Variants in PTPRQ observed in about 807,000 individuals in gnomAD.
PTPRQ encodes the protein protein tyrosine phosphatase receptor type Q.
In PTPRQ, 199 loss-of-function variants were observed where a neutral mutation model predicts 246.0. That is an observed-to-expected ratio of 0.81 (90% CI 0.72 to 0.91). PTPRQ has a LOEUF of 0.91. Ranked by LOEUF, PTPRQ falls within the 40% of genes least tolerant of loss-of-function variation. The pLI, the probability that PTPRQ is intolerant of heterozygous loss-of-function variation, is 0.00. For missense variants in PTPRQ, 2,624 were observed against 2,528.4 expected, an observed-to-expected ratio of 1.04 and a Z score of -0.81; for synonymous variants, 869 against 853.2, an observed-to-expected ratio of 1.02 and a Z score of -0.32.
chr12:80,598,967 G>GT (rs1316850457), intron 26 of PTPRQ, among the ~76,000 whole-genome samples: 2 of 152,068 alleles, frequency 1.3e-5, no homozygotes, highest in African/African-American at 4.8e-5. Flanking sequence ...ATAAGTCTTT[G>GT]AATGTGCTTA....
intron 26 of PTPRQ, among the ~76,000 whole-genome samples, chr12:80,599,171 C>T (rs1898062007): frequency 6.6e-6 from 1 of 151,818 alleles, no homozygotes; most frequent in Admixed American, 6.6e-5. Flanking sequence ...GACCCACATT[C>T]CTGTGCAAGG....
intron 43 of PTPRQ, among the ~76,000 whole-genome samples, chr12:80,676,415 G>T (rs1233866876): frequency 6.6e-6 from 1 of 152,100 alleles, no homozygotes; most frequent in Non-Finnish European, 1.5e-5. Flanking sequence ...GGCCAAGGTG[G>T]GCGGATCACC....
At chr12:80,561,317 A>G (rs1896818418) in intron 25 of PTPRQ, 1 of 152,278 alleles carries the variant, frequency 6.6e-6, no homozygotes. Flanking sequence ...AATGGTCTCC[A>G]CTGCTGGTAA....
At chr12:80,678,531 T>C in intron 43 of PTPRQ, 71 bp from the exon 44 acceptor site, 2 of 1,439,806 alleles carry the variant, frequency 1.4e-6, no homozygotes, top group Non-Finnish European at 1.8e-6. Context: ...CTTTTAGCTT[T>C]AACAATATAA....
In PTPRQ at chr12:80,670,478, G is replaced by A; in HGVS notation, c.6588G>A (p.Met2196Ile). Residue 2196 changes from methionine (M) to isoleucine (I), a missense_variant, in exon 42 of 45, where the codon ATG becomes ATA. Met to Ile is a conservative substitution (Grantham distance 10). Coordinates refer to ENST00000644991, the MANE Select transcript of PTPRQ (RefSeq NM_001145026.2). ...RASRAHDTTP[M>I]IVHCSAGVGR... ...GCAGGGCACATGACACCACACCTAT[G>A]ATTGTTCACTGCAGGTGAGAAAGTG... The A allele has an allele frequency of 6.5e-7, 1 of 1,548,850 alleles. No individual in the cohort carries two copies. Among genetic ancestry groups the A allele is most frequent in the South Asian group, 1.2e-5 (1 of 83,394 alleles).
At chr12:80,452,808 T>A (rs1384886356) in intron 3 of PTPRQ, among the ~76,000 whole-genome samples, 1 of 152,152 alleles carries the variant, frequency 6.6e-6, no homozygotes, top group Non-Finnish European at 1.5e-5. Context: ...ATTTTTTCCT[T>A]CATTTCAACT....
chr12:80,447,719 A>G (rs1892597337), intron 3 of PTPRQ, among the ~76,000 whole-genome samples: 1 of 150,252 alleles, frequency 6.7e-6, no homozygotes. Context: ...TAGGTATGTG[A>G]CTTTATTTCT....
rs147807328 is a variant in PTPRQ, at chr12:80,553,897, A to G, written c.4285+4163A>G. ...AAATGCACTTATTCATTTTACTATC[A>G]AAACTTAGCATAACGTGGATGGAAC... On this transcript the variant is annotated intron_variant, in intron 25 of 44. Coordinates refer to ENST00000644991, the MANE Select transcript of PTPRQ (RefSeq NM_001145026.2). 5.8e-4 allele frequency among the ~76,000 whole-genome samples: 89 copies of G among 152,332 alleles called. 1 individual carries two copies. The East Asian group carries it at 0.013, about 23-fold the overall frequency.
intron 17 of PTPRQ, among the ~76,000 whole-genome samples, chr12:80,530,129 A>G (rs913685045): frequency 6.6e-6 from 1 of 151,826 alleles, no homozygotes; most frequent in African/African-American, 2.4e-5. Flanking sequence ...CTACTCTCAA[A>G]CTTTACAAAC....
rs780815237 is a variant in PTPRQ at position 80,506,196 on chromosome 12, A to G, written c.2445A>G (p.Gln815=). The G allele has an allele frequency of 1.7e-4, 257 of 1,484,026 alleles. No homozygotes were observed. In the Middle Eastern group the frequency reaches 4.2e-3, roughly 25 times the overall value. 91.9% of individuals were successfully genotyped at this position (1,484,026 alleles called of 1,614,324 possible). A position where few individuals can be genotyped will look rare whatever the true frequency, so the allele number is the denominator to read the frequency against. ...ERTINTTSLT[Q]NIKVLKKYTQ... Reference sequence around the variant, plus strand: ...CTATAAATACAACCTCTTTAACCCAAAACATTAAAGGTAAAAGAACAAATC... The same window carrying G: ...CTATAAATACAACCTCTTTAACCCAGAACATTAAAGGTAAAAGAACAAATC... The change falls in exon 15 of 45, where the codon CAA becomes CAG. Residue 815 remains glutamine (Q), a synonymous_variant. Coordinates refer to ENST00000644991, the MANE Select transcript of PTPRQ (RefSeq NM_001145026.2).
chr12:80,535,402 C>T (rs1278619759), intron 19 of PTPRQ, among the ~76,000 whole-genome samples: 1 of 151,902 alleles, frequency 6.6e-6, no homozygotes, highest in Non-Finnish European at 1.5e-5. Flanking sequence ...TATTTATTAG[C>T]TAAATTTTTT....
rs1452356148 is a variant in PTPRQ at position 80,552,653 on chromosome 12, A to G, written c.4285+2919A>G. On this transcript the variant is annotated intron_variant, in intron 25 of 44. Coordinates refer to ENST00000644991, the MANE Select transcript of PTPRQ (RefSeq NM_001145026.2). ...TTTGTAAAAAAAAAAAATTATATATATATATATATATATATATATATATAT... is the reference window on the plus strand; with the variant it reads ...TTTGTAAAAAAAAAAAATTATATATGTATATATATATATATATATATATAT... Among the ~76,000 whole-genome samples, 136 of 23,988 alleles carry G rather than the reference A, an allele frequency of 5.7e-3. 6 individuals are homozygous for G. Among genetic ancestry groups the G allele is most frequent in the East Asian group, 0.017 (22 of 1,312 alleles). The allele number at this position is 23,988 out of a possible 152,430, so 15.7% of individuals were successfully genotyped here.
chr12:80,500,306 G>C (rs1443102445), intron 14 of PTPRQ, among the ~76,000 whole-genome samples: 1 of 151,742 alleles, frequency 6.6e-6, no homozygotes, highest in African/African-American at 2.4e-5. Flanking sequence ...ATAATTCGGG[G>C]ACACTCTGCT....
At chr12:80,460,407 T>C (rs1333584972) in intron 5 of PTPRQ, among the ~76,000 whole-genome samples, 13 of 152,236 alleles carry the variant, frequency 8.5e-5, no homozygotes, top group Non-Finnish European at 2.9e-5. Flanking sequence ...AGTTTTACCT[T>C]TATTTTAAGC....
intron 27 of PTPRQ, among the ~76,000 whole-genome samples, chr12:80,608,565 T>C (rs915950964): frequency 6.7e-6 from 1 of 148,836 alleles, no homozygotes; most frequent in Non-Finnish European, 1.5e-5. Context: ...AAATTATACT[T>C]ATAAATTATA....
At chr12:80,601,294 G>A (rs946993106) in intron 26 of PTPRQ, among the ~76,000 whole-genome samples, 1 of 150,822 alleles carries the variant, frequency 6.6e-6, no homozygotes, top group Non-Finnish European at 1.5e-5. Flanking sequence ...TGTCTCTTTG[G>A]TTCTCTTCTA....
intron 25 of PTPRQ, among the ~76,000 whole-genome samples, chr12:80,562,653 C>G (rs1012670707): frequency 6.6e-6 from 1 of 151,934 alleles, no homozygotes; most frequent in Admixed American, 6.6e-5. Flanking sequence ...ATTTGTAGCA[C>G]TAAGTGAATA....
At chr12:80,625,616 A>G (rs1192166910) in intron 33 of PTPRQ, among the ~76,000 whole-genome samples, 27 of 152,152 alleles carry the variant, frequency 1.8e-4, no homozygotes, top group Admixed American at 1.8e-3. Context: ...AGTGAAAGGG[A>G]CTAATGAAAG....
intron 25 of PTPRQ, among the ~76,000 whole-genome samples, chr12:80,556,935 A>G (rs1896662748): frequency 6.6e-6 from 1 of 152,184 alleles, no homozygotes; most frequent in Admixed American, 6.5e-5. Context: ...GTGGACCCCT[A>G]CTTACTCTGC....
Sources: allele counts gnomAD v4.1 joint callset (sites outside exome capture counted in the v4.1 genomes callset), GRCh38; gene constraint gnomAD v4.1.1; transcripts MANE v1.5; gene names NCBI Gene and HGNC (gene_info 2026-07-23, HGNC 2026-07-21).